Variants in ANKMY2 observed in about 807,000 individuals in gnomAD.
ANKMY2 encodes the protein ankyrin repeat and MYND domain containing 2.
Under a neutral mutation model 50.4 loss-of-function variants are expected in ANKMY2, and 36 were observed. The ratio of observed to expected loss-of-function variants is 0.71; its 90% CI spans 0.55 to 0.94. The LOEUF (loss-of-function observed/expected upper bound fraction) is 0.94. ANKMY2 is among the 40% of genes least tolerant of loss of function. ANKMY2 has a pLI of 0.00. For missense variants in ANKMY2, 565 were observed against 524.0 expected (o/e 1.08, Z -0.76); for synonymous variants, 187 against 178.8 (o/e 1.05, Z -0.36).
intron 1 of ANKMY2, chr7:16,644,748 A>G (rs1318046728): frequency 2.1e-6 from 1 of 470,526 alleles, no homozygotes; most frequent in Non-Finnish European, 4.4e-6. Context: ...CTCCGGGGAA[A>G]TATGGCTTCT....
chr7:16,602,566 A>C, intron 8 of ANKMY2, 57 bp from the exon 9 acceptor site: 1 of 1,565,826 alleles, frequency 6.4e-7, no homozygotes, highest in Non-Finnish European at 8.6e-7. Flanking sequence ...ATGATTTCCT[A>C]ACTATGACTA....
chr7:16,640,687 A>G (rs1169053643), intron 1 of ANKMY2, among the ~76,000 whole-genome samples: 2 of 151,982 alleles, frequency 1.3e-5, no homozygotes, highest in Non-Finnish European at 2.9e-5. Context: ...GCACCCAGCT[A>G]ATTTTTACAT....
Position 16,636,418 on chromosome 7 carries a change from C to T in ANKMY2, c.105G>A (p.Lys35=). The T allele has an allele frequency of 6.4e-7, 1 of 1,553,642 alleles. No individual in the cohort carries two copies. Among genetic ancestry groups the T allele is most frequent in the South Asian group, 1.1e-5 (1 of 88,120 alleles). Residue 35 remains lysine, a synonymous_variant, in exon 2 of 10, where the codon AAG becomes AAA. Coordinates refer to ENST00000306999, the MANE Select transcript of ANKMY2 (RefSeq NM_020319.3). ...CGTCCAAACAGTTGACACGAACATT[C>T]TTGCTGGATAATAATGTTCCAGCTT... ...VQEAGTLLSS[K]NVRVNCLDEN...
intron 2 of ANKMY2, among the ~76,000 whole-genome samples, chr7:16,632,024 T>C (rs576718961): frequency 6.6e-6 from 1 of 152,312 alleles, no homozygotes; most frequent in South Asian, 2.1e-4. Context: ...CAATCTTCTT[T>C]ATAATTGCAG....
In ANKMY2 at chr7:16,636,460, A is replaced by G; in HGVS notation, c.68-5T>C. 1 of 1,515,890 alleles carries G rather than the reference A, an allele frequency of 6.6e-7. No individual in the cohort carries two copies. The highest frequency in any genetic ancestry group is 1.3e-5 in the South Asian group (1 of 79,536). 93.9% of individuals were successfully genotyped at this position (1,515,890 alleles called of 1,614,324 possible). A position where few individuals can be genotyped will look rare whatever the true frequency, so the allele number is the denominator to read the frequency against. The stretch of plus-strand genomic sequence containing the variant: ...TTCCAGCTTCTTGGACAGTACCTAA[A>G]AAAAAAAAAAAGATGAAAAGTAAGG... On this transcript the variant is annotated splice_region_variant and splice_polypyrimidine_tract_variant and intron_variant, in intron 1 of 9. Transcript: ENST00000306999.
chr7:16,645,414 GC>G, intron 1 of ANKMY2, 92 bp downstream of exon 1: 2 of 1,291,076 alleles, frequency 1.5e-6, no homozygotes, highest in Non-Finnish European at 2.1e-6. Flanking sequence ...CAGAACCGCA[GC>G]CAAAGGTCAC....
At position 16,610,221 on chromosome 7, in the gene ANKMY2, G is replaced by T. The variant is rs187511451; in HGVS notation, c.746+328C>A. 1.4e-3 allele frequency among the ~76,000 whole-genome samples: 214 copies of T among 152,154 alleles called. 2 individuals carry two copies. The highest frequency in any genetic ancestry group is 1.2e-3 in the Non-Finnish European group (81 of 67,988). On this transcript the variant is annotated intron_variant, in intron 6 of 9. Transcript: ENST00000306999. ...GATGCCATTACAAACCTAGGGCTGC[G>T]ACCTAGGGCATAAAATATTCTCAAA... is the stretch of plus-strand genomic sequence containing the variant.
intron 4 of ANKMY2, among the ~76,000 whole-genome samples, chr7:16,624,454 C>T (rs1781482690): frequency 1.3e-5 from 2 of 152,186 alleles, no homozygotes; most frequent in African/African-American, 2.4e-5. Context: ...ATATTATTAT[C>T]AAGTACTCTT....
intron 7 of ANKMY2, among the ~76,000 whole-genome samples, chr7:16,608,708 A>G (rs1031373917): frequency 6.6e-6 from 1 of 152,188 alleles, no homozygotes; most frequent in Non-Finnish European, 1.5e-5. Flanking sequence ...ACCTATTCAA[A>G]ATAGAAAAGG....
intron 4 of ANKMY2, among the ~76,000 whole-genome samples, chr7:16,617,712 T>C (rs573311286): frequency 2.2e-4 from 34 of 152,230 alleles, no homozygotes; most frequent in African/African-American, 6.0e-4. Flanking sequence ...ATGCCTATAA[T>C]CCCAGCACTT....
intron 2 of ANKMY2, among the ~76,000 whole-genome samples, chr7:16,630,423 T>A (rs1781566584): frequency 6.6e-6 from 1 of 152,228 alleles, no homozygotes; most frequent in African/African-American, 2.4e-5. Context: ...GGTAGTCTGC[T>A]TAACTGAATA....
At chr7:16,616,571 CG>C (rs67174628) in intron 4 of ANKMY2, among the ~76,000 whole-genome samples, 85,191 of 151,674 alleles carry the variant, frequency 0.56, 24,247 homozygotes, top group Admixed American at 0.67. Flanking sequence ...GCTCCTGCGG[CG>C]CCCCCCCCTC....
chr7:16,616,998 T>A (rs1290966832), intron 4 of ANKMY2, among the ~76,000 whole-genome samples: 1 of 152,132 alleles, frequency 6.6e-6, no homozygotes, highest in Non-Finnish European at 1.5e-5. Flanking sequence ...TTCATCCTTG[T>A]GCCTCAGCTG....
intron 2 of ANKMY2, among the ~76,000 whole-genome samples, chr7:16,631,631 T>A (rs1781585907): frequency 6.6e-6 from 1 of 151,980 alleles, no homozygotes; most frequent in African/African-American, 2.4e-5. Flanking sequence ...TTTTTTTTTT[T>A]TGAGACAGAG....
chr7:16,644,010 G>C (rs1781780289), intron 1 of ANKMY2, among the ~76,000 whole-genome samples: 2 of 152,196 alleles, frequency 1.3e-5, no homozygotes, highest in South Asian at 4.1e-4. Flanking sequence ...ACGAGAGAGA[G>C]AGAGAAAGAG....
intron 4 of ANKMY2, among the ~76,000 whole-genome samples, chr7:16,624,137 C>T (rs994933587): frequency 6.6e-6 from 1 of 152,158 alleles, no homozygotes; most frequent in African/African-American, 2.4e-5. Context: ...AACAGCCTGT[C>T]TTGTCACTAT....
chr7:16,606,170 C>T (rs577792660), intron 7 of ANKMY2, among the ~76,000 whole-genome samples: 7 of 152,116 alleles, frequency 4.6e-5, no homozygotes, highest in East Asian at 3.9e-4. Context: ...GTGGCTAGCG[C>T]CTGTAATCCC....
At chr7:16,642,053 T>A (rs1369763932) in intron 1 of ANKMY2, among the ~76,000 whole-genome samples, 1 of 53,744 alleles carries the variant, frequency 1.9e-5, no homozygotes, top group Non-Finnish European at 3.8e-5. Context: ...CAATTTATTG[T>A]ATCTCAATAG....
intron 7 of ANKMY2, among the ~76,000 whole-genome samples, chr7:16,605,674 CTTTTTTTTTTT>C (rs11307797): frequency 3.4e-5 from 2 of 59,628 alleles, no homozygotes; most frequent in African/African-American, 6.9e-5. Context: ...ATTTTTTGTA[CTTTTTTTTTTT>C]TTTTTTTTTT....
Sources: gnomAD v4.1 joint callset for allele counts (sites outside exome capture counted in the v4.1 genomes callset) on GRCh38, gnomAD v4.1.1 for gene constraint, MANE v1.5 for transcripts, NCBI Gene and HGNC (gene_info 2026-07-23, HGNC 2026-07-21) for gene names.